Variants in KCNQ3 observed in about 807,000 individuals in gnomAD.
KCNQ3 encodes the protein potassium voltage-gated channel subfamily Q member 3, also known as potassium voltage-gated channel subfamily KQT member 3.
A neutral mutation model predicts 92.5 loss-of-function variants in KCNQ3; 30 were observed. The observed-to-expected ratio is 0.32, with a 90% CI of 0.24 to 0.44. The LOEUF is 0.44. Ranked by LOEUF, KCNQ3 falls within the 20% of genes least tolerant of loss-of-function variation. The pLI, the probability that KCNQ3 is intolerant of heterozygous loss-of-function variation, is 1.00. For synonymous variants in KCNQ3, 450 were observed against 468.8 expected (o/e 0.96, Z 0.52); for missense variants, 913 against 1,140.3 (o/e 0.80, Z 2.87).
chr8:132,364,136 T>C (rs145385317), intron 1 of KCNQ3, among the ~76,000 whole-genome samples: 146 of 152,284 alleles, frequency 9.6e-4, no homozygotes, highest in African/African-American at 3.4e-3. Flanking sequence ...TCTCTGGCTC[T>C]AATTCATCAC....
At chr8:132,215,809 A>G (rs1361251342) in intron 1 of KCNQ3, among the ~76,000 whole-genome samples, 1 of 152,138 alleles carries the variant, frequency 6.6e-6, no homozygotes, top group Non-Finnish European at 1.5e-5. Context: ...CATGTTCCAG[A>G]GTTCCCCTGT....
In KCNQ3 at chr8:132,129,400, C is replaced by T. The variant is rs1824778790; in HGVS notation, c.2481G>A (p.Met827Ile). ...VFGPNGGSSW[M>I]REKRYLAEGE... is the part of the protein sequence containing the mutation. Reference sequence around the variant, plus strand: ...CCTCGGCGAGGTACCGCTTCTCCCTCATCCAGCTCGACCCCCCATTGGGGC... The same window carrying T: ...CCTCGGCGAGGTACCGCTTCTCCCTTATCCAGCTCGACCCCCCATTGGGGC... The change falls in exon 15 of 15, where the codon ATG (methionine) becomes ATA (isoleucine). Residue 827 changes from methionine (M) to isoleucine (I), a missense_variant. Physicochemically the swap from Met to Ile is conservative, Grantham distance 10. Transcript: ENST00000388996. The surrounding 1 kb of genome is among the most constrained non-coding windows in gnomAD (Gnocchi z 5.9). The T allele has an allele frequency of 1.2e-6, 2 of 1,614,230 alleles. No homozygotes were observed. Among genetic ancestry groups the T allele is most frequent in the Non-Finnish European group, 1.7e-6 (2 of 1,180,050 alleles).
At chr8:132,292,463 A>T (rs1000690727) in intron 1 of KCNQ3, among the ~76,000 whole-genome samples, 2 of 152,196 alleles carry the variant, frequency 1.3e-5, no homozygotes, top group African/African-American at 4.8e-5. Context: ...ATGGAATCTG[A>T]CCACAGAGAT....
intron 1 of KCNQ3, among the ~76,000 whole-genome samples, chr8:132,335,122 C>G (rs573627193): frequency 6.6e-6 from 1 of 151,954 alleles, no homozygotes; most frequent in South Asian, 2.1e-4. Context: ...CTCACTGCAA[C>G]CTCCACCTCC....
chr8:132,361,816 T>C (rs7004232), intron 1 of KCNQ3, among the ~76,000 whole-genome samples: 7 of 152,186 alleles, frequency 4.6e-5, no homozygotes, highest in Admixed American at 4.6e-4. Flanking sequence ...ACTTTTAAAC[T>C]GTCCATTCGT....
intron 9 of KCNQ3, among the ~76,000 whole-genome samples, chr8:132,149,686 A>T (rs563309718): frequency 6.6e-6 from 1 of 152,178 alleles, no homozygotes; most frequent in African/African-American, 2.4e-5. Flanking sequence ...GGCCACAGAC[A>T]CGCGCGCGGG....
intron 1 of KCNQ3, among the ~76,000 whole-genome samples, chr8:132,333,271 G>A (rs1489604288): frequency 6.6e-6 from 1 of 152,076 alleles, no homozygotes; most frequent in African/African-American, 2.4e-5. Context: ...TGACTTCAGT[G>A]GTAAGAAAGT....
chr8:132,199,788 T>C (rs1289072746), intron 1 of KCNQ3, among the ~76,000 whole-genome samples: 1 of 152,004 alleles, frequency 6.6e-6, no homozygotes, highest in Non-Finnish European at 1.5e-5. Flanking sequence ...CAGGCATCTG[T>C]AATCTCAGCT....
intron 1 of KCNQ3, among the ~76,000 whole-genome samples, chr8:132,402,646 C>A (rs1820369872): frequency 1.3e-5 from 2 of 152,054 alleles, no homozygotes; most frequent in African/African-American, 2.4e-5. Flanking sequence ...GGACATATGA[C>A]ATTATTCATT....
rs1554622021 is a variant in KCNQ3, at chr8:132,134,284, C to T, written c.1799+6G>A. On this transcript the variant is annotated splice_donor_region_variant and intron_variant, in intron 13 of 14. Transcript: ENST00000388996. The stretch of plus-strand genomic sequence containing the variant: ...TGGCCCATCAGTCCATGTCCACTGG[C>T]CCCACCTGGGAGATTGCTGGGATGG... 8 of 1,609,544 alleles carry T rather than the reference C, an allele frequency of 5.0e-6. No individual in the cohort carries two copies. The East Asian group carries it at 1.6e-4, about 31-fold the overall frequency.
At chr8:132,259,923 C>G (rs1373127486) in intron 1 of KCNQ3, among the ~76,000 whole-genome samples, 1 of 152,008 alleles carries the variant, frequency 6.6e-6, no homozygotes, top group East Asian at 1.9e-4. Flanking sequence ...AAAACATCCC[C>G]AAAGGAATAA....
intron 11 of KCNQ3, 112 bp from the exon 12 acceptor site, chr8:132,138,128 G>T: frequency 1.6e-6 from 2 of 1,289,238 alleles, no homozygotes; most frequent in Non-Finnish European, 2.2e-6. Flanking sequence ...AGATAAAAGA[G>T]CTTGCTGGAA....
At chr8:132,290,719 A>T (rs1190998597) in intron 1 of KCNQ3, among the ~76,000 whole-genome samples, 1 of 152,190 alleles carries the variant, frequency 6.6e-6, no homozygotes, top group Admixed American at 6.6e-5. Flanking sequence ...CACCATGCTG[A>T]GTTAGAAAAC....
chr8:132,389,577 G>C (rs1395445855), intron 1 of KCNQ3, among the ~76,000 whole-genome samples: 1 of 152,182 alleles, frequency 6.6e-6, no homozygotes, highest in Non-Finnish European at 1.5e-5. Context: ...GAATCTGTAA[G>C]GAAAACACAG....
intron 1 of KCNQ3, among the ~76,000 whole-genome samples, chr8:132,362,184 T>C (rs1759266425): frequency 6.6e-6 from 1 of 152,144 alleles, no homozygotes; most frequent in Admixed American, 6.5e-5. Context: ...TTACAATATT[T>C]CAAAAGAGAC....
intron 1 of KCNQ3, among the ~76,000 whole-genome samples, chr8:132,202,101 G>C (rs1294299880): frequency 6.6e-6 from 1 of 152,182 alleles, no homozygotes; most frequent in Non-Finnish European, 1.5e-5. Context: ...ATTGGGTCAT[G>C]GCTGGGGTGG....
chr8:132,254,673 G>A (rs1290474300), intron 1 of KCNQ3, among the ~76,000 whole-genome samples: 4 of 152,178 alleles, frequency 2.6e-5, no homozygotes, highest in African/African-American at 7.2e-5. Context: ...GAGGTCAGGA[G>A]TTTGAGACCA....
At chr8:132,427,112 G>A (rs1432909364) in intron 1 of KCNQ3, among the ~76,000 whole-genome samples, 6 of 152,212 alleles carry the variant, frequency 3.9e-5, no homozygotes, top group Admixed American at 2.6e-4. Flanking sequence ...GCACTGTCTT[G>A]AGAAGGGTCC....
chr8:132,401,330 A>G (rs1308889014), intron 1 of KCNQ3, among the ~76,000 whole-genome samples: 1 of 151,854 alleles, frequency 6.6e-6, no homozygotes, highest in Non-Finnish European at 1.5e-5. Flanking sequence ...TGTCCCTTTT[A>G]TCCCCATGAA....
Sources: gnomAD v4.1 joint callset for allele counts (sites outside exome capture counted in the v4.1 genomes callset) on GRCh38, gnomAD v4.1.1 for gene constraint, Gnocchi (gnomAD v3.1) non-coding constraint, MANE v1.5 for transcripts, NCBI Gene and HGNC (gene_info 2026-07-23, HGNC 2026-07-21) for gene names.